The following CECR2 variants were observed in gnomAD, a reference collection of about 807,000 sequenced individuals.
CECR2 encodes chromatin remodeling regulator CECR2.
A neutral mutation model predicts 154.5 loss-of-function variants in CECR2; 30 were observed. The observed-to-expected ratio is 0.19, with a 90% CI of 0.15 to 0.26. The LOEUF is 0.26. Among genes scored for constraint, CECR2 ranks in the 10% least tolerant of loss-of-function variants. The probability of loss-of-function intolerance (pLI) is 1.00; values close to 1 mark genes in which losing one functional copy is unlikely to be tolerated. For synonymous variants in CECR2, 725 were observed against 683.7 expected (o/e 1.06, Z -0.94); for missense variants, 1,743 against 1,829.3 (o/e 0.95, Z 0.86).
chr22:17,431,031 A>G (rs1160957335), intron 1 of CECR2, among the ~76,000 whole-genome samples: 1 of 152,158 alleles, frequency 6.6e-6, no homozygotes, highest in East Asian at 1.9e-4. Context: ...CTTAAAGGGA[A>G]TCTTGGTGAA....
At chr22:17,366,559 C>T (rs1043072929), upstream of CECR2, among the ~76,000 whole-genome samples, 2 of 152,072 alleles carry the variant, frequency 1.3e-5, no homozygotes, top group African/African-American at 4.8e-5. Context: ...TGGAGAAGTA[C>T]AATAGCACTC....
chr22:17,523,992 C>A, intron 8 of CECR2, 126 bp from the exon 9 acceptor site: 1 of 715,608 alleles, frequency 1.4e-6, no homozygotes, highest in Non-Finnish European at 2.3e-6. Flanking sequence ...ACAAAATCAG[C>A]TTTTCGTGAT....
At chr22:17,504,573 A>G (rs934761493) in intron 6 of CECR2, among the ~76,000 whole-genome samples, 75 of 151,648 alleles carry the variant, frequency 4.9e-4, no homozygotes, top group African/African-American at 1.8e-3. Context: ...AGTAGCTAGG[A>G]TCACAGGCGC....
intron 1 of CECR2, among the ~76,000 whole-genome samples, chr22:17,437,889 A>C (rs879493128): frequency 2.0e-5 from 3 of 152,208 alleles, no homozygotes; most frequent in African/African-American, 7.2e-5. Flanking sequence ...AATGTTGACC[A>C]TGAATTTGAA....
intron 7 of CECR2, 121 bp downstream of exon 7, chr22:17,505,137 C>T (rs1242814742): frequency 3.2e-6 from 3 of 936,424 alleles, no homozygotes; most frequent in East Asian, 2.7e-5. Context: ...AGTCTTCCAT[C>T]CTGTCTGAAC....
intron 9 of CECR2, among the ~76,000 whole-genome samples, chr22:17,529,807 T>G (rs1298856031): frequency 6.6e-6 from 1 of 152,062 alleles, no homozygotes; most frequent in Non-Finnish European, 1.5e-5. Context: ...TCGCTCTGCC[T>G]CCCATGATAG....
At position 17,542,148 on chromosome 22, in the gene CECR2, C is replaced by T. The variant is rs780174614; in HGVS notation, c.2014-9C>T. The T allele has an allele frequency of 2.5e-6, 4 of 1,605,896 alleles. No individual in the cohort carries two copies. The highest frequency in any genetic ancestry group is 1.1e-5 in the South Asian group (1 of 90,554). On this transcript the variant is annotated splice_polypyrimidine_tract_variant and intron_variant, in intron 15 of 18. Transcript: ENST00000262608. ...AGTCTGTAACTGTGCTGCCTTTTCTCGTTGCCAGCCTCCAGTTGGAATTAA... is the reference window on the plus strand; with the variant it reads ...AGTCTGTAACTGTGCTGCCTTTTCTTGTTGCCAGCCTCCAGTTGGAATTAA...
intron 7 of CECR2, among the ~76,000 whole-genome samples, chr22:17,510,705 A>C (rs975218775): frequency 3.9e-5 from 6 of 152,066 alleles, no homozygotes; most frequent in Non-Finnish European, 7.4e-5. Flanking sequence ...AGGTTCAAGC[A>C]ATTCTCCTGT....
chr22:17,544,240 T>C (rs1312339086), intron 16 of CECR2, among the ~76,000 whole-genome samples: 1 of 152,160 alleles, frequency 6.6e-6, no homozygotes, highest in Non-Finnish European at 1.5e-5. Context: ...GGCTGACGCC[T>C]GTAATCCCAG....
In CECR2 at chr22:17,497,574, C is replaced by T. The variant is rs774829517; in HGVS notation, c.393C>T (p.Phe131=). The change falls in exon 3 of 19, where the codon TTC becomes TTT. Residue 131 remains phenylalanine (F), a synonymous_variant. Transcript: ENST00000262608. The stretch of plus-strand genomic sequence containing the variant: ...ACCGGCTGGATGCAGACGATGTCTT[C>T]GATCTTCTAAAGGTATGCTTAACTG... ...CDYRLDADDV[F]DLLKGLDADS... 3 of 1,613,884 alleles carry T rather than the reference C, an allele frequency of 1.9e-6. No individual in the cohort carries two copies. Among genetic ancestry groups the T allele is most frequent in the African/African-American group, 1.3e-5 (1 of 75,022 alleles).
intron 9 of CECR2, among the ~76,000 whole-genome samples, chr22:17,530,920 A>G (rs1010951072): frequency 1.3e-5 from 2 of 152,162 alleles, no homozygotes; most frequent in Non-Finnish European, 2.9e-5. Context: ...TGAGAGGGAA[A>G]TGGGGAGTCA....
At chr22:17,429,919 C>T (rs1263005072) in intron 1 of CECR2, among the ~76,000 whole-genome samples, 2 of 152,128 alleles carry the variant, frequency 1.3e-5, no homozygotes, top group South Asian at 2.1e-4. Flanking sequence ...GAAGGACTTT[C>T]TCCTTAGGAG....
At chr22:17,364,895 A>G (rs1349554725), upstream of CECR2, among the ~76,000 whole-genome samples, 2 of 152,162 alleles carry the variant, frequency 1.3e-5, no homozygotes, top group Non-Finnish European at 2.9e-5. Flanking sequence ...GAGAAGTAGC[A>G]TGATTCCAAA....
At chr22:17,385,433 T>G (rs1417150089) in intron 1 of CECR2, among the ~76,000 whole-genome samples, 1 of 152,206 alleles carries the variant, frequency 6.6e-6, no homozygotes, top group Non-Finnish European at 1.5e-5. Flanking sequence ...GGTTTAAATG[T>G]GCTTCTGGGA....
chr22:17,534,940 G>A (rs1196964162), intron 9 of CECR2, among the ~76,000 whole-genome samples: 1 of 150,128 alleles, frequency 6.7e-6, no homozygotes, highest in Non-Finnish European at 1.5e-5. Context: ...CACAAGGTCA[G>A]GAGATCAAGA....
chr22:17,390,213 A>C, intron 1 of CECR2, among the ~76,000 whole-genome samples: 1 of 152,092 alleles, frequency 6.6e-6, no homozygotes, highest in Admixed American at 6.6e-5. Flanking sequence ...CCTTTTTGGA[A>C]GACTAAAAGC....
At chr22:17,380,248 C>A (rs1209925670) in intron 1 of CECR2, among the ~76,000 whole-genome samples, 7 of 152,206 alleles carry the variant, frequency 4.6e-5, no homozygotes, top group Non-Finnish European at 1.0e-4. Context: ...CTTTAGAGGG[C>A]AGATGACCCC....
At chr22:17,449,999 G>A (rs5747157) in intron 1 of CECR2, among the ~76,000 whole-genome samples, 14,376 of 152,176 alleles carry the variant, frequency 0.094, 1,368 homozygotes, top group East Asian at 0.24. Context: ...GCTGCAGCAT[G>A]CCAGCTAAAT....
intron 1 of CECR2, among the ~76,000 whole-genome samples, chr22:17,429,556 ACAAAG>A (rs1379485504): frequency 6.0e-5 from 9 of 150,382 alleles, no homozygotes; most frequent in African/African-American, 2.2e-4. Flanking sequence ...AAAAACAAAA[ACAAAG>A]AAAAGAAAAG....
Sources: gnomAD v4.1 joint callset for allele counts (sites outside exome capture counted in the v4.1 genomes callset) on GRCh38, gnomAD v4.1.1 for gene constraint, MANE v1.5 for transcripts, NCBI Gene and HGNC (gene_info 2026-07-23, HGNC 2026-07-21) for gene names.